LONP2: variants seen among roughly 807,000 people sequenced by gnomAD.
The protein encoded by LONP2 is lon protease homolog 2, peroxisomal.
LONP2 carries 60 observed loss-of-function variants against 85.6 expected under a neutral mutation model. The ratio of observed to expected loss-of-function variants is 0.70; its 90% confidence interval spans 0.57 to 0.87. The LOEUF (loss-of-function observed/expected upper bound fraction) is 0.87, where lower values mean the gene tolerates loss of function less well. Among genes scored for constraint, LONP2 ranks in the 40% least tolerant of loss-of-function variants. The pLI is 0.00. For synonymous variants in LONP2, 395 were observed against 389.7 expected (o/e 1.01, Z -0.16); for missense variants, 860 against 1,063.5 (o/e 0.81, Z 2.66).
At chr16:48,348,487 C>CTTTTTTTT (rs34729067) in intron 14 of LONP2, among the ~76,000 whole-genome samples, 197 bp downstream of exon 14, 4 of 112,818 alleles carry the variant, frequency 3.5e-5, no homozygotes, top group East Asian at 2.3e-4. Context: ...TCACATTTTC[C>CTTTTTTTT]TTTTTTTTTT....
chr16:48,356,553 C>A lies in LONP2; in HGVS notation c.*4751C>A. 6.3e-6 allele frequency: 1 copy of A among 159,884 alleles called. No individual in the cohort carries two copies. Among genetic ancestry groups the A allele is most frequent in the Non-Finnish European group, 1.4e-5 (1 of 72,830 alleles). The allele number at this position is 159,884 out of a possible 1,614,324, so 9.9% of individuals were successfully genotyped here. ...AAAAAAGACTACAGTTAGTCATTAT[C>A]CAATTTGATGATTTATGGTCCAACA... On this transcript the variant is annotated 3_prime_UTR_variant, in exon 15 of 15. Coordinates refer to ENST00000285737, the MANE Select transcript of LONP2 (RefSeq NM_031490.5).
chr16:48,356,741 A>G lies in LONP2; in HGVS notation c.*4939A>G. On this transcript the variant is annotated 3_prime_UTR_variant, in exon 15 of 15. Transcript: ENST00000285737. Reference sequence around the variant, plus strand: ...TGGTCATTGAGATGTTTTAAAAGTTACAGCAAAAGGACTTCTAAAACAATT... The same window carrying G: ...TGGTCATTGAGATGTTTTAAAAGTTGCAGCAAAAGGACTTCTAAAACAATT... The G allele has an allele frequency of 6.1e-6, 2 of 328,188 alleles. No homozygotes were observed. Among genetic ancestry groups the G allele is most frequent in the South Asian group, 2.4e-5 (1 of 41,354 alleles). 20.3% of individuals were successfully genotyped at this position (328,188 alleles called of 1,614,324 possible). A position where few individuals can be genotyped will look rare whatever the true frequency, so the allele number is the denominator to read the frequency against.
chr16:48,303,467 T>C (rs1052343783), intron 11 of LONP2, among the ~76,000 whole-genome samples, 162 bp downstream of exon 11: 2 of 152,224 alleles, frequency 1.3e-5, no homozygotes, highest in Non-Finnish European at 2.9e-5. Context: ...TGTTTCAACA[T>C]ATTTCATCCA....
Position 48,357,331 on chromosome 16 carries a change from A to C in LONP2, c.*5529A>C, listed in dbSNP as rs1722327165. 2.0e-5 allele frequency: 3 copies of C among 152,304 alleles called. No individual in the cohort carries two copies. Among genetic ancestry groups the C allele is most frequent in the African/African-American group, 7.2e-5 (3 of 41,550 alleles). The allele number at this position is 152,304 out of a possible 1,614,324, so 9.4% of individuals were successfully genotyped here. ...GTTTGGATGGTGCCATTTTTAGATA[A>C]ACGTACGTTTCTTTTGGTAAATTCA... On this transcript the variant is annotated 3_prime_UTR_variant, in exon 15 of 15. Transcript: ENST00000285737.
At chr16:48,338,587 CTG>C (rs1417624229) in intron 12 of LONP2, among the ~76,000 whole-genome samples, 1 of 152,096 alleles carries the variant, frequency 6.6e-6, no homozygotes, top group Non-Finnish European at 1.5e-5. Context: ...GCAAAGAAAA[CTG>C]AGAGCTCTTT....
chr16:48,325,834 G>C (rs548943947), intron 11 of LONP2, among the ~76,000 whole-genome samples: 222 of 152,262 alleles, frequency 1.5e-3, no homozygotes, highest in African/African-American at 5.0e-3. Context: ...CCTCCATACT[G>C]TTTTCCATAA....
At chr16:48,269,306 G>A (rs1007168537) in intron 6 of LONP2, among the ~76,000 whole-genome samples, 1 of 151,538 alleles carries the variant, frequency 6.6e-6, no homozygotes, top group African/African-American at 2.4e-5. Context: ...CACAGTTGAA[G>A]CATCTTTTAT....
intron 4 of LONP2, 105 bp downstream of exon 4, chr16:48,258,845 A>G: frequency 1.9e-6 from 2 of 1,072,612 alleles, no homozygotes; most frequent in Non-Finnish European, 1.3e-6. Flanking sequence ...CGCACTACTG[A>G]TAAAATTTAG....
intron 6 of LONP2, among the ~76,000 whole-genome samples, chr16:48,263,861 G>T (rs1450920136): frequency 6.6e-6 from 1 of 152,164 alleles, no homozygotes; most frequent in Non-Finnish European, 1.5e-5. Flanking sequence ...GCATTGGCTG[G>T]CTTGAGAAAT....
rs1950317788 is a variant in LONP2, at chr16:48,354,268, C to T, written c.*2466C>T. On this transcript the variant is annotated 3_prime_UTR_variant, in exon 15 of 15. Transcript: ENST00000285737. ...TGTTACCCAGGCTGCACTGCAGTGG[C>T]ATGATCTCGGCTCACTGCAACCTCT... is the stretch of plus-strand genomic sequence containing the variant. 8.2e-6 allele frequency: 1 copy of T among 122,550 alleles called. No homozygotes were observed. Among genetic ancestry groups the T allele is most frequent in the Non-Finnish European group, 1.6e-5 (1 of 63,462 alleles). The allele number at this position is 122,550 out of a possible 1,614,324, so 7.6% of individuals were successfully genotyped here. A position where few individuals can be genotyped will look rare whatever the true frequency, so the allele number is the denominator to read the frequency against.
Position 48,351,754 on chromosome 16 carries a change from T to A in LONP2, c.2511T>A (p.Gly837=). Residue 837 remains glycine (G), a synonymous_variant, in exon 15 of 15, where the codon GGT becomes GGA. Coordinates refer to ENST00000285737, the MANE Select transcript of LONP2 (RefSeq NM_031490.5). ...LDEVLNAAFD[G]GFTVKTRPGL... ...AGGTTCTTAATGCAGCTTTTGATGGTGGCTTTACTGTCAAGACCAGACCTG... is the reference window on the plus strand; with the variant it reads ...AGGTTCTTAATGCAGCTTTTGATGGAGGCTTTACTGTCAAGACCAGACCTG... 3 of 1,614,202 alleles carry A rather than the reference T, an allele frequency of 1.9e-6. No homozygotes were observed. Among genetic ancestry groups the A allele is most frequent in the Non-Finnish European group, 2.5e-6 (3 of 1,180,036 alleles).
intron 6 of LONP2, among the ~76,000 whole-genome samples, chr16:48,268,646 A>T (rs1972039984): frequency 6.6e-6 from 1 of 152,174 alleles, no homozygotes; most frequent in African/African-American, 2.4e-5. Context: ...GCACTGTGAA[A>T]CAATTGAGAA....
chr16:48,296,946 TC>T (rs953438333), intron 9 of LONP2, among the ~76,000 whole-genome samples: 19 of 152,306 alleles, frequency 1.2e-4, no homozygotes, highest in Admixed American at 9.1e-4. Flanking sequence ...GAATTGTTTT[TC>T]CCTGGAAGAG....
intron 2 of LONP2, among the ~76,000 whole-genome samples, chr16:48,255,311 C>T (rs940053902): frequency 3.3e-5 from 5 of 152,046 alleles, no homozygotes; most frequent in Non-Finnish European, 5.9e-5. Flanking sequence ...GGAAATGGGG[C>T]GCATCTCTCA....
chr16:48,261,233 A>G (rs911761372), intron 4 of LONP2, among the ~76,000 whole-genome samples, 191 bp from the exon 5 acceptor site: 6 of 152,112 alleles, frequency 3.9e-5, no homozygotes, highest in African/African-American at 1.2e-4. Flanking sequence ...ACGTTGGTCT[A>G]CTTCTGCAAT....
intron 11 of LONP2, among the ~76,000 whole-genome samples, chr16:48,331,569 T>C (rs1251590953): frequency 6.6e-6 from 1 of 150,822 alleles, no homozygotes; most frequent in East Asian, 1.9e-4. Flanking sequence ...GGATTTTCTT[T>C]TTTTTTTTTT....
intron 4 of LONP2, among the ~76,000 whole-genome samples, chr16:48,261,107 G>A (rs993668253): frequency 1.3e-5 from 2 of 152,134 alleles, no homozygotes; most frequent in Admixed American, 6.5e-5. Context: ...TGCAATAGTA[G>A]CTCAAAGAAA....
chr16:48,287,499 CAGAGTGTTCTCTG>C (rs1456406846), intron 8 of LONP2, among the ~76,000 whole-genome samples: 1 of 152,248 alleles, frequency 6.6e-6, no homozygotes, highest in Non-Finnish European at 1.5e-5. Context: ...ACTGTTCTCA[CAGAGTGTTCTCTG>C]AGTTAAGTCA....
chr16:48,299,366 C>T (rs928551270), intron 9 of LONP2, among the ~76,000 whole-genome samples: 1 of 151,810 alleles, frequency 6.6e-6, no homozygotes, highest in Non-Finnish European at 1.5e-5. Context: ...TGGTGGATCA[C>T]TTGAGGCCAG....
Sources: gnomAD v4.1 joint callset for allele counts (sites outside exome capture counted in the v4.1 genomes callset) on GRCh38, gnomAD v4.1.1 for gene constraint, MANE v1.5 for transcripts, NCBI Gene and HGNC (gene_info 2026-07-23, HGNC 2026-07-21) for gene names.